Variants in TAFA1 observed in about 807,000 individuals in gnomAD.
TAFA1 encodes the protein chemokine-like protein TAFA-1.
TAFA1 carries 4 observed loss-of-function variants against 18.5 expected under a neutral mutation model. The observed-to-expected ratio is 0.22, with a 90% CI of 0.11 to 0.49. TAFA1 has a LOEUF of 0.49. Among genes scored for constraint, TAFA1 ranks in the 20% least tolerant of loss-of-function variants. The probability of loss-of-function intolerance (pLI) is 0.98; values close to 1 mark genes in which losing one functional copy is unlikely to be tolerated. For missense variants in TAFA1, 147 were observed against 169.0 expected, an observed-to-expected ratio of 0.87 and a Z score of 0.72; for synonymous variants, 56 against 55.2, an observed-to-expected ratio of 1.01 and a Z score of -0.06.
At chr3:68,135,166 C>CT (rs1358982254) in intron 2 of TAFA1, among the ~76,000 whole-genome samples, 1 of 152,152 alleles carries the variant, frequency 6.6e-6, no homozygotes, top group Admixed American at 6.5e-5. Flanking sequence ...TGCTGAATTA[C>CT]TTACATTCCA....
upstream of TAFA1, among the ~76,000 whole-genome samples, chr3:68,001,648 A>T (rs1399869824): frequency 6.6e-6 from 1 of 150,778 alleles, no homozygotes; most frequent in Non-Finnish European, 1.5e-5. Flanking sequence ...TACTTTTAAG[A>T]CATAGTTGTG....
At chr3:68,077,006 G>C (rs1199008623) in intron 2 of TAFA1, among the ~76,000 whole-genome samples, 1 of 152,086 alleles carries the variant, frequency 6.6e-6, no homozygotes, top group Non-Finnish European at 1.5e-5. Context: ...CATTCTCACT[G>C]GTGTGAGATG....
At chr3:68,301,750 T>A (rs1455769944) in intron 2 of TAFA1, among the ~76,000 whole-genome samples, 5 of 152,316 alleles carry the variant, frequency 3.3e-5, no homozygotes, top group African/African-American at 9.6e-5. Flanking sequence ...CTAAAAACTG[T>A]CAGAAGTCGG....
At chr3:68,340,478 A>T (rs1314588203) in intron 2 of TAFA1, among the ~76,000 whole-genome samples, 5 of 152,226 alleles carry the variant, frequency 3.3e-5, no homozygotes, top group African/African-American at 4.8e-5. Flanking sequence ...TCCTTTGCGA[A>T]GTATTATGCG....
intron 2 of TAFA1, among the ~76,000 whole-genome samples, chr3:68,233,264 GATAA>G (rs779288148): frequency 2.4e-4 from 36 of 151,856 alleles, no homozygotes; most frequent in Admixed American, 1.8e-3. Flanking sequence ...TTCCTTATTT[GATAA>G]ATAGTTTGCA....
intron 3 of TAFA1, among the ~76,000 whole-genome samples, chr3:68,428,989 A>G (rs1025955699): frequency 2.6e-5 from 4 of 152,024 alleles, no homozygotes; most frequent in African/African-American, 7.2e-5. Context: ...TTGTGAGAAT[A>G]TACTTGGGGT....
At chr3:68,080,176 C>T (rs1424788809) in intron 2 of TAFA1, among the ~76,000 whole-genome samples, 2 of 152,122 alleles carry the variant, frequency 1.3e-5, no homozygotes, top group African/African-American at 2.4e-5. Flanking sequence ...GTAGATCTTC[C>T]TCCATCCTTT....
rs147477772 is a variant in TAFA1, at chr3:68,050,496, T to C, written c.118+43752T>C. ...CGTCTGCTATGGCACGTAATGATAC[T>C]TCACTGAGTTATTGAGAAGATTAAA... On this transcript the variant is annotated intron_variant, in intron 2 of 4. Coordinates refer to ENST00000478136, the MANE Select transcript of TAFA1 (RefSeq NM_213609.4). 1.6e-3 allele frequency among the ~76,000 whole-genome samples: 238 copies of C among 152,270 alleles called. 1 individual carries two copies. Among genetic ancestry groups the C allele is most frequent in the African/African-American group, 5.3e-3 (219 of 41,582 alleles).
At chr3:68,003,942 C>T (rs558185703), upstream of TAFA1, among the ~76,000 whole-genome samples, 1 of 152,150 alleles carries the variant, frequency 6.6e-6, no homozygotes, top group East Asian at 1.9e-4. Context: ...GTAAAAAGAA[C>T]ATTAAGAGGT....
chr3:68,163,182 T>C (rs1340935879), intron 2 of TAFA1, among the ~76,000 whole-genome samples: 3 of 152,262 alleles, frequency 2.0e-5, no homozygotes, highest in African/African-American at 7.2e-5. Context: ...TTTCTACATA[T>C]TAATCATCCT....
chr3:68,486,777 G>T (rs1254258410), intron 3 of TAFA1, among the ~76,000 whole-genome samples: 1 of 152,184 alleles, frequency 6.6e-6, no homozygotes, highest in African/African-American at 2.4e-5. Context: ...TGGATGTCTT[G>T]ATATCTGGGC....
intron 2 of TAFA1, among the ~76,000 whole-genome samples, chr3:68,122,606 C>T (rs2065414347): frequency 6.6e-6 from 1 of 152,018 alleles, no homozygotes. Flanking sequence ...TAATGAAATT[C>T]AATGTCAAGA....
At chr3:68,419,060 C>G (rs1051608408) in intron 3 of TAFA1, among the ~76,000 whole-genome samples, 5 of 152,066 alleles carry the variant, frequency 3.3e-5, no homozygotes, top group Non-Finnish European at 7.3e-5. Context: ...GTCTTGTTTC[C>G]TCGCCTCGTG....
chr3:68,385,710 A>T (rs2070085160), intron 2 of TAFA1, among the ~76,000 whole-genome samples: 1 of 151,958 alleles, frequency 6.6e-6, no homozygotes. Flanking sequence ...TGTAGGCCAA[A>T]CTCTACTTGC....
intron 2 of TAFA1, among the ~76,000 whole-genome samples, chr3:68,097,111 A>G (rs1243435097): frequency 6.6e-6 from 1 of 152,132 alleles, no homozygotes; most frequent in Non-Finnish European, 1.5e-5. Flanking sequence ...TTGTCACTGT[A>G]GATGCATTTT....
intron 2 of TAFA1, among the ~76,000 whole-genome samples, chr3:68,057,032 C>T (rs2064545328): frequency 6.6e-6 from 1 of 152,240 alleles, no homozygotes; most frequent in Admixed American, 6.5e-5. Flanking sequence ...GGAAAAGCTA[C>T]AATTCTGCCC....
intron 2 of TAFA1, among the ~76,000 whole-genome samples, chr3:68,319,050 A>G (rs1249609011): frequency 6.6e-6 from 1 of 152,190 alleles, no homozygotes; most frequent in Non-Finnish European, 1.5e-5. Flanking sequence ...TTCCTTTCAC[A>G]ATGTACTTGA....
Position 68,330,465 on chromosome 3 carries a change from A to G in TAFA1, c.119-86815A>G, listed in dbSNP as rs185386982. Among the ~76,000 whole-genome samples, 8 of 152,276 alleles carry G rather than the reference A, an allele frequency of 5.3e-5. No individual in the cohort carries two copies. In the East Asian group the frequency reaches 1.5e-3, roughly 29 times the overall value. On this transcript the variant is annotated intron_variant, in intron 2 of 4. Coordinates refer to ENST00000478136, the MANE Select transcript of TAFA1 (RefSeq NM_213609.4). ...GAGAGCTATACCAGGTCCCCTTCAT[A>G]TGTTTTTACTTTGTCTTAAGTCTTA...
intron 2 of TAFA1, among the ~76,000 whole-genome samples, chr3:68,160,900 C>T (rs1393348428): frequency 6.6e-6 from 1 of 152,138 alleles, no homozygotes; most frequent in Non-Finnish European, 1.5e-5. Context: ...ACCATACACT[C>T]AATGGATAAT....
Sources: gnomAD v4.1 joint callset for allele counts (sites outside exome capture counted in the v4.1 genomes callset) on GRCh38, gnomAD v4.1.1 for gene constraint, MANE v1.5 for transcripts, NCBI Gene and HGNC (gene_info 2026-07-23, HGNC 2026-07-21) for gene names.